SMAP1: variants seen among roughly 807,000 people sequenced by gnomAD.
SMAP1 encodes stromal membrane-associated protein 1.
SMAP1 carries 24 observed loss-of-function variants against 58.5 expected under a neutral mutation model. The observed-to-expected ratio is 0.41, with a 90% CI of 0.30 to 0.58. The LOEUF (loss-of-function observed/expected upper bound fraction) is 0.58, where lower values mean the gene tolerates loss of function less well. Among genes scored for constraint, SMAP1 ranks in the 20% least tolerant of loss-of-function variants. The probability of loss-of-function intolerance (pLI) is 0.29; values close to 1 mark genes in which losing one functional copy is unlikely to be tolerated. For synonymous variants in SMAP1, 216 were observed against 196.6 expected (o/e 1.10, Z -0.82); for missense variants, 563 against 566.3 (o/e 0.99, Z 0.06).
At chr6:70,717,038 C>A (rs1395116709) in intron 1 of SMAP1, among the ~76,000 whole-genome samples, 1 of 152,090 alleles carries the variant, frequency 6.6e-6, no homozygotes, top group Non-Finnish European at 1.5e-5. Context: ...TTCTAGGTAC[C>A]TCTAAAATCT....
intron 3 of SMAP1, chr6:70,759,936 T>G (rs774419695): frequency 2.4e-6 from 1 of 420,354 alleles, no homozygotes. Flanking sequence ...TCTTTTTTAT[T>G]TCTCAAAATA....
chr6:70,798,539 A>G (rs1768705251), intron 5 of SMAP1, 118 bp from the exon 6 acceptor site: 2 of 686,144 alleles, frequency 2.9e-6, no homozygotes, highest in Middle Eastern at 3.9e-4. Flanking sequence ...GCACGTAGAT[A>G]TTGTAATTAC....
At chr6:70,757,899 G>A (rs1766569807) in intron 3 of SMAP1, among the ~76,000 whole-genome samples, 3 of 151,694 alleles carry the variant, frequency 2.0e-5, no homozygotes, top group Non-Finnish European at 4.4e-5. Context: ...TGGAGAAATA[G>A]GAACACTTTT....
intron 8 of SMAP1, among the ~76,000 whole-genome samples, chr6:70,853,979 A>G (rs920560436): frequency 1.3e-5 from 2 of 152,164 alleles, no homozygotes; most frequent in African/African-American, 4.8e-5. Context: ...CAACTGCTTA[A>G]GAGAGTTAGA....
Position 70,738,473 on chromosome 6 carries a change from C to A in SMAP1, c.252+5962C>A, listed in dbSNP as rs571403457. On this transcript the variant is annotated intron_variant, in intron 2 of 10. Transcript: ENST00000370455. The stretch of plus-strand genomic sequence containing the variant: ...TTCTATTAAGAAAAAAAAAAAAAAA[C>A]CAGTGGATACAGGTTTCTATTGTAA... Among the ~76,000 whole-genome samples the A allele has an allele frequency of 3.2e-4, 47 of 147,964 alleles. No individual in the cohort carries two copies. In the South Asian group the frequency reaches 6.6e-3, roughly 21 times the overall value.
chr6:70,793,095 C>T (rs971474403), intron 5 of SMAP1, among the ~76,000 whole-genome samples: 3 of 151,960 alleles, frequency 2.0e-5, no homozygotes, highest in Non-Finnish European at 2.9e-5. Context: ...ACTGCAGTGG[C>T]GCGATCTCGG....
intron 1 of SMAP1, among the ~76,000 whole-genome samples, chr6:70,673,366 C>T (rs542372417): frequency 2.6e-5 from 4 of 152,350 alleles, no homozygotes; most frequent in East Asian, 1.9e-4. Context: ...AATGTGGCCT[C>T]TGTCCCACTT....
At chr6:70,857,134 G>A (rs1229590207) in intron 9 of SMAP1, 104 bp downstream of exon 9, 5 of 1,187,576 alleles carry the variant, frequency 4.2e-6, no homozygotes, top group Non-Finnish European at 5.6e-6. Context: ...CATGTAGTGA[G>A]TGCTTTTGTT....
intron 7 of SMAP1, among the ~76,000 whole-genome samples, chr6:70,850,444 G>GT (rs1044726882): frequency 4.0e-5 from 6 of 151,140 alleles, no homozygotes; most frequent in Admixed American, 6.6e-5. Context: ...GCTTGTCACC[G>GT]TTTTTTTTCC....
At chr6:70,746,095 A>G (rs1766020176) in intron 2 of SMAP1, among the ~76,000 whole-genome samples, 1 of 152,294 alleles carries the variant, frequency 6.6e-6, no homozygotes, top group Non-Finnish European at 1.5e-5. Flanking sequence ...GGTTTTCTAA[A>G]TATACAATCA....
At chr6:70,746,288 A>T (rs1766029755) in intron 2 of SMAP1, among the ~76,000 whole-genome samples, 2 of 152,248 alleles carry the variant, frequency 1.3e-5, no homozygotes, top group African/African-American at 4.8e-5. Flanking sequence ...TTGCCCATTC[A>T]GTATGATATT....
chr6:70,855,936 C>T (rs1055110308), intron 8 of SMAP1, among the ~76,000 whole-genome samples: 1 of 152,162 alleles, frequency 6.6e-6, no homozygotes, highest in African/African-American at 2.4e-5. Context: ...ATTCAAAATA[C>T]TGTGTAGTTT....
intron 3 of SMAP1, among the ~76,000 whole-genome samples, chr6:70,771,756 A>G (rs1310572546): frequency 6.6e-6 from 1 of 152,124 alleles, no homozygotes; most frequent in Non-Finnish European, 1.5e-5. Context: ...GTGCTGCACC[A>G]CTGTCCTGTG....
intron 2 of SMAP1, among the ~76,000 whole-genome samples, chr6:70,743,917 G>A (rs2149876018): frequency 6.6e-6 from 1 of 151,352 alleles, no homozygotes; most frequent in East Asian, 1.9e-4. Flanking sequence ...TGCATTTTAA[G>A]CAATCCATTT....
rs1767501146 is a variant in SMAP1, at chr6:70,775,276, T to C, written c.414+1851T>C. Among the ~76,000 whole-genome samples, 7 of 152,316 alleles carry C rather than the reference T, an allele frequency of 4.6e-5. No homozygotes were observed. The South Asian group carries it at 1.2e-3, about 27-fold the overall frequency. ...TCATTTTAGTTTATTTTAGGGAACA[T>C]ACTGTTTCATATTAAACACTTTTAA... On this transcript the variant is annotated intron_variant, in intron 4 of 10. Transcript: ENST00000370455.
At chr6:70,742,157 A>T (rs1000882161) in intron 2 of SMAP1, among the ~76,000 whole-genome samples, 1 of 152,218 alleles carries the variant, frequency 6.6e-6, no homozygotes, top group African/African-American at 2.4e-5. Context: ...CTCATTACTT[A>T]CGCAGATTTC....
chr6:70,772,927 A>G (rs1236084930), intron 3 of SMAP1: 2 of 156,962 alleles, frequency 1.3e-5, no homozygotes, highest in Admixed American at 6.5e-5. Context: ...GTGTGGGAGG[A>G]ATTAAAGGAC....
chr6:70,802,460 G>C (rs1023782671), intron 6 of SMAP1, among the ~76,000 whole-genome samples: 1 of 152,086 alleles, frequency 6.6e-6, no homozygotes, highest in African/African-American at 2.4e-5. Context: ...CAAACAGGGA[G>C]AATTTGACTT....
chr6:70,764,322 AAAC>A (rs1470916685), intron 3 of SMAP1, among the ~76,000 whole-genome samples: 1 of 152,184 alleles, frequency 6.6e-6, no homozygotes, highest in Middle Eastern at 3.2e-3. Context: ...TGACTACACT[AAAC>A]AACACATTTT....
Sources: gnomAD v4.1 joint callset for allele counts (sites outside exome capture counted in the v4.1 genomes callset) on GRCh38, gnomAD v4.1.1 for gene constraint, MANE v1.5 for transcripts, NCBI Gene and HGNC (gene_info 2026-07-23, HGNC 2026-07-21) for gene names.